Variants in TOX2 observed in about 807,000 individuals in gnomAD.
The protein encoded by TOX2 is granulosa cell HMG box 1.
TOX2 carries 15 observed loss-of-function variants against 47.4 expected under a neutral mutation model. That is an observed-to-expected ratio of 0.32 (90% CI 0.21 to 0.49). The LOEUF is 0.49. Ranked by LOEUF, TOX2 falls within the 20% of genes least tolerant of loss-of-function variation. The pLI is 0.99. For missense variants in TOX2, 622 were observed against 673.1 expected, an observed-to-expected ratio of 0.92 and a Z score of 0.84; for synonymous variants, 290 against 296.6, an observed-to-expected ratio of 0.98 and a Z score of 0.23.
chr20:43,931,753 T>G (rs920183673), intron 1 of TOX2, among the ~76,000 whole-genome samples: 2 of 152,192 alleles, frequency 1.3e-5, no homozygotes, highest in Non-Finnish European at 1.5e-5. Context: ...TGCCTGTGGC[T>G]CAGGGGAGAA....
At chr20:43,988,640 G>A (rs572840823) in intron 2 of TOX2, among the ~76,000 whole-genome samples, 4 of 152,210 alleles carry the variant, frequency 2.6e-5, no homozygotes, top group African/African-American at 4.8e-5. Context: ...TGTGGGTTTC[G>A]TGGGGGCAGG....
rs1569018736 is a variant in TOX2 at position 43,943,909 on chromosome 20, C to T, written c.99+28919C>T. On this transcript the variant is annotated intron_variant, in intron 1 of 8. Transcript: ENST00000341197. ...TGGACTTTATTGTCATTTTCATCTT[C>T]TTATAAATAATGATGCAATAAATAT... 2.0e-5 allele frequency among the ~76,000 whole-genome samples: 3 copies of T among 152,248 alleles called. No homozygotes were observed. In the South Asian group the frequency reaches 6.2e-4, roughly 32 times the overall value.
chr20:43,974,820 C>T lies in TOX2; in HGVS notation c.165+1388C>T, dbSNP rs575251883. 9.2e-5 allele frequency among the ~76,000 whole-genome samples: 14 copies of T among 152,336 alleles called. No individual in the cohort carries two copies. The East Asian group carries it at 9.6e-4, about 10-fold the overall frequency. Reference sequence around the variant, plus strand: ...ATGGAAGCTCTGCTGCAGGGTGCTGCGCCCCCTCCCCTGCCGCTGCAGGAT... The same window carrying T: ...ATGGAAGCTCTGCTGCAGGGTGCTGTGCCCCCTCCCCTGCCGCTGCAGGAT... On this transcript the variant is annotated intron_variant, in intron 2 of 8. Transcript: ENST00000341197.
intron 5 of TOX2, among the ~76,000 whole-genome samples, chr20:44,062,848 C>G (rs1171037233): frequency 6.6e-6 from 1 of 152,220 alleles, no homozygotes; most frequent in Middle Eastern, 3.4e-3. Flanking sequence ...TCCTTACAAC[C>G]AACTGATCTT....
chr20:43,923,515 A>C (rs185330757), intron 1 of TOX2, among the ~76,000 whole-genome samples: 1 of 152,052 alleles, frequency 6.6e-6, no homozygotes, highest in African/African-American at 2.4e-5. Flanking sequence ...TAGCAAGTCG[A>C]TGGTGCTGAT....
At position 43,927,458 on chromosome 20, in the gene TOX2, A is replaced by AACACACACACAC. The variant is rs34410581; in HGVS notation, c.99+12510_99+12521dup. Among the ~76,000 whole-genome samples, 266 of 131,462 alleles carry AACACACACACAC rather than the reference A, an allele frequency of 2.0e-3. 3 individuals are homozygous for AACACACACACAC. The highest frequency in any genetic ancestry group is 3.5e-3 in the Non-Finnish European group (211 of 60,756). The allele number at this position is 131,462 out of a possible 152,430, so 86.2% of individuals were successfully genotyped here. A position where few individuals can be genotyped will look rare whatever the true frequency, so the allele number is the denominator to read the frequency against. On this transcript the variant is annotated intron_variant, in intron 1 of 8. Transcript: ENST00000341197. ...GTGTACATTTTCTGATGATCTATATAACACACACACACACACACACACACA... is the reference window on the plus strand; with the variant it reads ...GTGTACATTTTCTGATGATCTATATAACACACACACACACACACACACACACACACACACACA...
rs144712185 is a variant in TOX2, at chr20:43,953,148, T to C, written c.100-20219T>C. On this transcript the variant is annotated intron_variant, in intron 1 of 8. Transcript: ENST00000341197. ...AGGAAATGGATTTTCTCCTAGAGCC[T>C]ACAGACCAGCCAGCCCTGATGACAC... 2.0e-5 allele frequency among the ~76,000 whole-genome samples: 3 copies of C among 152,268 alleles called. No individual in the cohort carries two copies. In the East Asian group the frequency reaches 5.8e-4, roughly 29 times the overall value.
chr20:44,014,616 C>CA (rs2145629103), intron 3 of TOX2, among the ~76,000 whole-genome samples: 1 of 152,304 alleles, frequency 6.6e-6, no homozygotes, highest in South Asian at 2.1e-4. Context: ...CCCTGAGCCT[C>CA]AGTTTCTTCA....
intron 2 of TOX2, among the ~76,000 whole-genome samples, chr20:43,981,058 A>C (rs1312865227): frequency 6.6e-6 from 1 of 152,258 alleles, no homozygotes. Flanking sequence ...ACAGAAAAAG[A>C]AATACAAGTG....
At chr20:44,018,383 G>T (rs2070916970) in intron 3 of TOX2, among the ~76,000 whole-genome samples, 1 of 152,222 alleles carries the variant, frequency 6.6e-6, no homozygotes, top group Non-Finnish European at 1.5e-5. Context: ...CTGCTCCTGA[G>T]TCATGAGGGA....
At chr20:43,919,291 T>A (rs1329263915) in intron 1 of TOX2, among the ~76,000 whole-genome samples, 1 of 152,214 alleles carries the variant, frequency 6.6e-6, no homozygotes, top group Admixed American at 6.5e-5. Flanking sequence ...TGGAGCTTAT[T>A]TATCAGTGTG....
intron 1 of TOX2, among the ~76,000 whole-genome samples, chr20:43,924,056 G>A (rs4810404): frequency 0.33 from 50,237 of 152,064 alleles, 9,191 homozygotes; most frequent in Middle Eastern, 0.48. Flanking sequence ...TTGGGTGAAG[G>A]AGTTCACTGC....
chr20:43,915,288 C>T lies in TOX2; in HGVS notation c.99+298C>T, dbSNP rs1443116483. On this transcript the variant is annotated intron_variant, in intron 1 of 8. Transcript: ENST00000341197. The surrounding 1 kb of genome is among the most constrained non-coding windows in gnomAD (Gnocchi z 7.1). ...TGACCCACAGCCACACGCAGGCGGCCAGGCACTGCTTACACGGTCCCGCCG... is the reference window on the plus strand; with the variant it reads ...TGACCCACAGCCACACGCAGGCGGCTAGGCACTGCTTACACGGTCCCGCCG... 6.6e-6 allele frequency among the ~76,000 whole-genome samples: 1 copy of T among 152,182 alleles called. No individual in the cohort carries two copies. Among genetic ancestry groups the T allele is most frequent in the Non-Finnish European group, 1.5e-5 (1 of 68,036 alleles).
intron 3 of TOX2, among the ~76,000 whole-genome samples, chr20:44,049,953 C>A (rs1240659053): frequency 1.3e-5 from 2 of 152,180 alleles, no homozygotes; most frequent in African/African-American, 4.8e-5. Context: ...TGAACACACA[C>A]GTGCATGTAT....
At chr20:44,039,664 C>A (rs1369844514) in intron 3 of TOX2, among the ~76,000 whole-genome samples, 2 of 152,218 alleles carry the variant, frequency 1.3e-5, no homozygotes, top group African/African-American at 4.8e-5. Flanking sequence ...CCTCTGTGGG[C>A]AACAGGAACG....
intron 1 of TOX2, among the ~76,000 whole-genome samples, chr20:43,950,833 G>A (rs11086910): frequency 0.16 from 24,704 of 151,926 alleles, 2,657 homozygotes; most frequent in African/African-American, 0.29. Flanking sequence ...TAAACTCCAG[G>A]GGTCTTTGTT....
intron 3 of TOX2, among the ~76,000 whole-genome samples, chr20:44,019,685 G>A (rs2145645423): frequency 6.6e-6 from 1 of 152,330 alleles, no homozygotes; most frequent in African/African-American, 2.4e-5. Context: ...GAGCCCTGAG[G>A]AATCTCTAAC....
At chr20:44,032,209 G>C (rs920753296) in intron 3 of TOX2, among the ~76,000 whole-genome samples, 10 of 152,062 alleles carry the variant, frequency 6.6e-5, no homozygotes, top group Non-Finnish European at 1.2e-4. Context: ...CCTGCTGGGT[G>C]GGGGAAGAAC....
At chr20:44,032,789 G>A (rs979175612) in intron 3 of TOX2, among the ~76,000 whole-genome samples, 9 of 152,182 alleles carry the variant, frequency 5.9e-5, no homozygotes, top group Non-Finnish European at 1.2e-4. Flanking sequence ...TTGGTGACCC[G>A]TATTTGCAAA....
Sources: allele counts gnomAD v4.1 joint callset (sites outside exome capture counted in the v4.1 genomes callset), GRCh38; gene constraint gnomAD v4.1.1; non-coding constraint Gnocchi (gnomAD v3.1); transcripts MANE v1.5; gene names NCBI Gene and HGNC (gene_info 2026-07-23, HGNC 2026-07-21).